The following ERBB4 variants were observed in gnomAD, a reference collection of about 807,000 sequenced individuals.
ERBB4 encodes receptor tyrosine-protein kinase erbB-4.
Under a neutral mutation model 158.0 loss-of-function variants are expected in ERBB4, and 42 were observed. That is an observed-to-expected ratio of 0.27 (90% CI 0.21 to 0.34). The LOEUF (loss-of-function observed/expected upper bound fraction) is 0.34. ERBB4 is among the 10% of genes least tolerant of loss of function. The pLI is 1.00. For missense variants in ERBB4, 1,333 were observed against 1,624.1 expected, an observed-to-expected ratio of 0.82 and a Z score of 3.08; for synonymous variants, 583 against 558.7, an observed-to-expected ratio of 1.04 and a Z score of -0.61.
chr2:211,834,832 C>T (rs1250225123), intron 3 of ERBB4, among the ~76,000 whole-genome samples: 2 of 152,018 alleles, frequency 1.3e-5, no homozygotes, highest in African/African-American at 2.4e-5. Flanking sequence ...CTTGATGTAC[C>T]ACTTGGGTAA....
chr2:212,113,166 A>C lies in ERBB4; in HGVS notation c.234+11586T>G, dbSNP rs1392887230. On this transcript the variant is annotated intron_variant, in intron 2 of 27. Transcript: ENST00000342788. ...AAGGTTAGGGGAATAGAGATAGCTTATATTTAGAACAAGTTAGTAGAGACT... is the reference window on the plus strand; with the variant it reads ...AAGGTTAGGGGAATAGAGATAGCTTCTATTTAGAACAAGTTAGTAGAGACT... Among the ~76,000 whole-genome samples, 3 of 152,184 alleles carry C rather than the reference A, an allele frequency of 2.0e-5. No homozygotes were observed. The East Asian group carries it at 5.8e-4, about 29-fold the overall frequency.
At chr2:212,423,190 T>C (rs1463668533) in intron 1 of ERBB4, among the ~76,000 whole-genome samples, 1 of 151,964 alleles carries the variant, frequency 6.6e-6, no homozygotes, top group Non-Finnish European at 1.5e-5. Context: ...AAAAATGCAA[T>C]TATAAGCAAA....
intron 3 of ERBB4, among the ~76,000 whole-genome samples, chr2:211,858,915 G>A (rs925950855): frequency 3.3e-5 from 5 of 152,078 alleles, no homozygotes; most frequent in African/African-American, 1.2e-4. Context: ...CCGAGTAGCT[G>A]GGATTACAGG....
chr2:211,830,872 A>T (rs1177572631), intron 3 of ERBB4, among the ~76,000 whole-genome samples: 6 of 152,146 alleles, frequency 3.9e-5, no homozygotes, highest in Non-Finnish European at 8.8e-5. Context: ...AGCACATTTA[A>T]CAAGGACTGC....
intron 25 of ERBB4, among the ~76,000 whole-genome samples, chr2:211,415,010 A>ATAT (rs746581592): frequency 4.0e-5 from 6 of 150,386 alleles, no homozygotes; most frequent in East Asian, 1.9e-4. Flanking sequence ...GTTTTAGCTG[A>ATAT]TATTATTATT....
At chr2:211,414,489 A>G (rs2063337543) in intron 25 of ERBB4, among the ~76,000 whole-genome samples, 1 of 124,190 alleles carries the variant, frequency 8.1e-6, no homozygotes, top group Non-Finnish European at 1.7e-5. Context: ...GAGCCAAGAC[A>G]CAGTCTCAAT....
chr2:212,087,182 C>T (rs1052454440), intron 2 of ERBB4, among the ~76,000 whole-genome samples: 14 of 152,010 alleles, frequency 9.2e-5, no homozygotes, highest in African/African-American at 3.4e-4. Flanking sequence ...TACACACACA[C>T]ACACACACAC....
At chr2:211,554,472 C>T (rs554029028) in intron 20 of ERBB4, among the ~76,000 whole-genome samples, 3 of 152,224 alleles carry the variant, frequency 2.0e-5, no homozygotes, top group South Asian at 2.1e-4. Context: ...CCCACCCACA[C>T]AGCACACGCA....
chr2:212,496,256 G>T (rs1468998950), intron 1 of ERBB4, among the ~76,000 whole-genome samples: 1 of 150,482 alleles, frequency 6.6e-6, no homozygotes, highest in Non-Finnish European at 1.5e-5. Context: ...AACAGACAAA[G>T]TATATCGATT....
chr2:211,399,815 T>G (rs1022414795), intron 25 of ERBB4, among the ~76,000 whole-genome samples: 2 of 152,086 alleles, frequency 1.3e-5, no homozygotes, highest in African/African-American at 4.8e-5. Flanking sequence ...GCTGTATCCC[T>G]GAAAAATACA....
chr2:212,180,126 AAAACTTTTCCATTAGGTACC>A (rs2081810253), intron 1 of ERBB4, among the ~76,000 whole-genome samples: 1 of 151,732 alleles, frequency 6.6e-6, no homozygotes, highest in South Asian at 2.1e-4. Context: ...TTGCTGATCA[AAAACTTTTCCATTAGGTACC>A]AAAATGTAAC....
chr2:211,693,906 G>T (rs2072913875), intron 12 of ERBB4, among the ~76,000 whole-genome samples: 1 of 152,032 alleles, frequency 6.6e-6, no homozygotes. Context: ...CTGGCATTCT[G>T]GGCTCACCTC....
At chr2:211,914,722 T>C (rs930817756) in intron 3 of ERBB4, among the ~76,000 whole-genome samples, 1 of 152,172 alleles carries the variant, frequency 6.6e-6, no homozygotes, top group South Asian at 2.1e-4. Flanking sequence ...AAGAGTAACA[T>C]GCATTTTACC....
intron 1 of ERBB4, among the ~76,000 whole-genome samples, chr2:212,275,910 G>A (rs972016148): frequency 1.3e-5 from 2 of 151,816 alleles, no homozygotes; most frequent in East Asian, 1.9e-4. Context: ...AAGACCCATC[G>A]GTGTGCTGTA....
intron 3 of ERBB4, among the ~76,000 whole-genome samples, chr2:211,933,716 G>A (rs886410052): frequency 6.6e-6 from 1 of 151,974 alleles, no homozygotes; most frequent in African/African-American, 2.4e-5. Flanking sequence ...CTCATCTTAA[G>A]TAAATTATTT....
chr2:211,759,804 AGAGTGTGTGT>A (rs974749589), intron 4 of ERBB4, among the ~76,000 whole-genome samples: 1 of 122,652 alleles, frequency 8.2e-6, no homozygotes, highest in Non-Finnish European at 1.7e-5. Context: ...TTCATTTTCT[AGAGTGTGTGT>A]GTGTGTGTGT....
At chr2:211,809,158 C>T (rs2076689877) in intron 3 of ERBB4, among the ~76,000 whole-genome samples, 1 of 152,148 alleles carries the variant, frequency 6.6e-6, no homozygotes, top group Admixed American at 6.5e-5. Context: ...GAACTTCCAA[C>T]ACTATGTTGA....
chr2:211,817,728 C>T (rs2076908665), intron 3 of ERBB4, among the ~76,000 whole-genome samples: 1 of 152,050 alleles, frequency 6.6e-6, no homozygotes, highest in African/African-American at 2.4e-5. Flanking sequence ...TGAGATGTGC[C>T]ACTTCTGGAT....
intron 20 of ERBB4, among the ~76,000 whole-genome samples, chr2:211,492,312 G>A (rs1038216885): frequency 2.0e-5 from 3 of 152,088 alleles, no homozygotes; most frequent in Admixed American, 2.0e-4. Context: ...TATATAGATG[G>A]CAAAGTTTAA....
Sources: allele counts gnomAD v4.1 joint callset (sites outside exome capture counted in the v4.1 genomes callset), GRCh38; gene constraint gnomAD v4.1.1; transcripts MANE v1.5; gene names NCBI Gene and HGNC (gene_info 2026-07-23, HGNC 2026-07-21).